The following BICD1 variants were observed in gnomAD, a reference collection of about 807,000 sequenced individuals.
BICD1 encodes the protein protein bicaudal D homolog 1.
Under a neutral mutation model 92.5 loss-of-function variants are expected in BICD1, and 35 were observed. That is an observed-to-expected ratio of 0.38 (90% CI 0.29 to 0.50). The LOEUF (loss-of-function observed/expected upper bound fraction) is 0.50, where lower values mean the gene tolerates loss of function less well. Among genes scored for constraint, BICD1 ranks in the 20% least tolerant of loss-of-function variants. The pLI is 0.93. For missense variants in BICD1, 950 were observed against 1,189.8 expected (o/e 0.80, Z 2.97); for synonymous variants, 429 against 465.1 (o/e 0.92, Z 1.00).
intron 6 of BICD1, 43 bp downstream of exon 6, chr12:32,334,710 T>A (rs10844188): frequency 0.23 from 356,059 of 1,571,750 alleles, 45,189 homozygotes; most frequent in East Asian, 0.65. Context: ...GTAGGTGGGG[T>A]AAAGGCTTTA....
intron 8 of BICD1, among the ~76,000 whole-genome samples, chr12:32,366,339 G>T (rs1371348007): frequency 6.6e-6 from 1 of 152,238 alleles, no homozygotes; most frequent in Non-Finnish European, 1.5e-5. Flanking sequence ...ATATAAGGAG[G>T]CCGGGTGCAG....
intron 5 of BICD1, among the ~76,000 whole-genome samples, chr12:32,329,157 T>G (rs1416767833): frequency 6.6e-6 from 1 of 152,072 alleles, no homozygotes; most frequent in African/African-American, 2.4e-5. Flanking sequence ...CAGGCTGGAG[T>G]GCACTGGCGC....
chr12:32,151,092 A>G (rs989309758), intron 1 of BICD1, among the ~76,000 whole-genome samples: 4 of 152,246 alleles, frequency 2.6e-5, no homozygotes, highest in Admixed American at 6.5e-5. Flanking sequence ...AGATGGTAGC[A>G]GACAGGGTTG....
intron 8 of BICD1, chr12:32,339,707 C>T (rs1366153110): frequency 1.0e-6 from 1 of 985,196 alleles, no homozygotes; most frequent in Non-Finnish European, 1.2e-6. Flanking sequence ...GGAATCCCTG[C>T]ATGTGAGTAT....
At position 32,153,561 on chromosome 12, in the gene BICD1, A is replaced by C. The variant is rs1464040707; in HGVS notation, c.213+46017A>C. Among the ~76,000 whole-genome samples, 8 of 152,256 alleles carry C rather than the reference A, an allele frequency of 5.3e-5. No homozygotes were observed. The South Asian group carries it at 1.7e-3, about 32-fold the overall frequency. ...CACTGGAGCTCACGAATTCAAGACC[A>C]GCTTGGGCAACATGGCGAAAGTTCA... On this transcript the variant is annotated intron_variant, in intron 1 of 9. Transcript: ENST00000652176.
At chr12:32,339,342 T>A in intron 8 of BICD1, 1 of 999,164 alleles carries the variant, frequency 1.0e-6, no homozygotes, top group Non-Finnish European at 1.2e-6. Flanking sequence ...TTATCGTTTT[T>A]AATGTAATTT....
At chr12:32,223,376 G>A (rs1401351438) in intron 2 of BICD1, among the ~76,000 whole-genome samples, 4 of 152,138 alleles carry the variant, frequency 2.6e-5, no homozygotes, top group Admixed American at 2.6e-4. Flanking sequence ...AAATTAGCTG[G>A]GCATGGTGGC....
intron 5 of BICD1, among the ~76,000 whole-genome samples, chr12:32,329,796 G>T (rs1054251846): frequency 4.6e-5 from 7 of 152,208 alleles, no homozygotes; most frequent in African/African-American, 1.7e-4. Flanking sequence ...CTTAATGACT[G>T]AAATTGTTTT....
intron 1 of BICD1, among the ~76,000 whole-genome samples, chr12:32,185,784 A>G (rs1166058403): frequency 6.6e-6 from 1 of 152,186 alleles, no homozygotes. Flanking sequence ...TGCCATAAAC[A>G]AATTCTCATC....
chr12:32,306,434 C>CG (rs1320020920), intron 4 of BICD1, among the ~76,000 whole-genome samples: 1 of 151,724 alleles, frequency 6.6e-6, no homozygotes, highest in African/African-American at 2.4e-5. Context: ...TTAGTAGAGA[C>CG]GGGGTTTCAC....
intron 2 of BICD1, among the ~76,000 whole-genome samples, chr12:32,229,744 A>T (rs1248232661): frequency 6.6e-6 from 1 of 152,124 alleles, no homozygotes; most frequent in Non-Finnish European, 1.5e-5. Context: ...AGAAATGAGG[A>T]GGTAGCTAGG....
At chr12:32,108,554 C>T in intron 1 of BICD1, 2 of 613,346 alleles carry the variant, frequency 3.3e-6, no homozygotes, top group Non-Finnish European at 2.9e-6. Context: ...TGTGTCAAGT[C>T]CTTATTTTTA....
At chr12:32,333,706 C>A (rs1592688195) in intron 5 of BICD1, among the ~76,000 whole-genome samples, 1 of 152,110 alleles carries the variant, frequency 6.6e-6, no homozygotes, top group South Asian at 2.1e-4. Context: ...ACAGGCAATC[C>A]CTAAGTATAC....
intron 8 of BICD1, chr12:32,354,125 A>G (rs746212356): frequency 1.3e-5 from 2 of 152,238 alleles, no homozygotes; most frequent in African/African-American, 2.4e-5. Context: ...GATTTGAAAT[A>G]AAAATAGATT....
At chr12:32,251,166 A>G (rs1263127333) in intron 2 of BICD1, among the ~76,000 whole-genome samples, 4 of 152,212 alleles carry the variant, frequency 2.6e-5, no homozygotes, top group Admixed American at 2.6e-4. Flanking sequence ...AGGGAATTGT[A>G]CTTCTTTAAA....
intron 1 of BICD1, among the ~76,000 whole-genome samples, chr12:32,143,323 CTTG>C (rs1356932721): frequency 3.9e-5 from 6 of 152,206 alleles, no homozygotes; most frequent in Non-Finnish European, 7.3e-5. Context: ...TTGTCCACAA[CTTG>C]TTGTAATAAT....
intron 8 of BICD1, among the ~76,000 whole-genome samples, chr12:32,349,033 T>C (rs138766787): frequency 4.2e-4 from 64 of 152,216 alleles, no homozygotes; most frequent in African/African-American, 1.5e-3. Flanking sequence ...CACAGTTTCT[T>C]TGGTATCCTT....
chr12:32,201,783 T>TA lies in BICD1; in HGVS notation c.214-14452dup, dbSNP rs1210253401. Among the ~76,000 whole-genome samples, 222 of 146,160 alleles carry TA rather than the reference T, an allele frequency of 1.5e-3. 3 individuals are homozygous for TA. The highest frequency in any genetic ancestry group is 0.014 in the East Asian group (70 of 5,076). On this transcript the variant is annotated intron_variant, in intron 1 of 9. Coordinates refer to ENST00000652176, the MANE Select transcript of BICD1 (RefSeq NM_001714.4). ...TACCTATATTTTATACGTGTTTGTT[T>TA]AAAAAAAAAAAACACAATCTTTGAA...
chr12:32,378,646 T>C lies in BICD1; in HGVS notation c.*1019T>C, dbSNP rs1219757773. On this transcript the variant is annotated 3_prime_UTR_variant, in exon 10 of 10. Transcript: ENST00000652176. The stretch of plus-strand genomic sequence containing the variant: ...GTACAAATGGGAAAATATATACATA[T>C]ATAGATGTAAGATAGCCTTTAATTA... 6.6e-6 allele frequency: 1 copy of C among 152,152 alleles called. No homozygotes were observed. Among genetic ancestry groups the C allele is most frequent in the Non-Finnish European group, 1.5e-5 (1 of 68,026 alleles). The allele number at this position is 152,152 out of a possible 1,614,324, so 9.4% of individuals were successfully genotyped here.
Sources: gnomAD v4.1 joint callset for allele counts (sites outside exome capture counted in the v4.1 genomes callset) on GRCh38, gnomAD v4.1.1 for gene constraint, MANE v1.5 for transcripts, NCBI Gene and HGNC (gene_info 2026-07-23, HGNC 2026-07-21) for gene names.